Variants in ALG13 observed in about 807,000 individuals in gnomAD.
The protein encoded by ALG13 is ALG13 UDP-N-acetylglucosaminyltransferase subunit, also known as UDP-N-acetylglucosamine transferase subunit ALG13.
ALG13 carries 11 observed loss-of-function variants against 87.8 expected under a neutral mutation model. That is an observed-to-expected ratio of 0.13 (90% CI 0.08 to 0.21). ALG13 has a LOEUF of 0.21. ALG13 is among the 10% of genes least tolerant of loss of function. The probability of loss-of-function intolerance (pLI) is 1.00; values close to 1 mark genes in which losing one functional copy is unlikely to be tolerated. For synonymous variants in ALG13, 320 were observed against 306.3 expected (o/e 1.04, Z -0.47); for missense variants, 756 against 866.1 (o/e 0.87, Z 1.60).
intron 8 of ALG13, 122 bp from the exon 9 acceptor site, chrX:111,717,723 TA>T (rs1471924807): frequency 4.2e-5 from 19 of 455,409 alleles, no homozygotes; most frequent in Non-Finnish European, 5.4e-5. Context: ...AAAATCACTT[TA>T]AAAAAATTCA....
intron 26 of ALG13, among the ~76,000 whole-genome samples, chrX:111,758,776 T>C (rs1212346754): frequency 8.9e-6 from 1 of 111,779 alleles, no homozygotes; most frequent in African/African-American, 3.3e-5. Context: ...TCAAAGAATA[T>C]CTACAATTAT....
intron 15 of ALG13, among the ~76,000 whole-genome samples, chrX:111,725,942 T>TTTTG (rs750313283): frequency 6.3e-5 from 7 of 111,552 alleles, no homozygotes; most frequent in Admixed American, 2.8e-4. Context: ...TTTTTGGGGT[T>TTTTG]TTTGTTTGTT....
At chrX:111,708,436 T>TC (rs747243137) in intron 4 of ALG13, 43 bp downstream of exon 4, 1 of 1,168,442 alleles carries the variant, frequency 8.6e-7, no homozygotes, top group Admixed American at 2.4e-5. Flanking sequence ...TTTTCAGAGT[T>TC]TGAGACATGG....
At chrX:111,758,156 C>T (rs1315638157) in intron 26 of ALG13, among the ~76,000 whole-genome samples, 1 of 111,727 alleles carries the variant, frequency 9.0e-6, no homozygotes, top group Non-Finnish European at 1.9e-5. Flanking sequence ...GACATTTTTA[C>T]TAAATTTTTA....
At position 111,708,281 on chromosome X, in the gene ALG13, G is replaced by A. The variant is rs374748006; in HGVS notation, c.638G>A (p.Ser213Asn). 7.6e-5 allele frequency: 92 copies of A among 1,210,094 alleles called. No homozygotes were observed. The Admixed American group carries it at 1.3e-3, about 17-fold the overall frequency. The change falls in exon 4 of 27, where the codon AGC becomes AAC. Residue 213 changes from serine (S) to asparagine (N), a missense_variant. By Grantham distance (46) the Ser-to-Asn change is conservative. This residue lies in a region of ALG13 where 153 missense variants were observed against 168.7 expected (regional missense o/e 0.91). Coordinates refer to ENST00000394780, the MANE Select transcript of ALG13 (RefSeq NM_001099922.3). The part of the protein sequence containing the change: ...KMHKGWKNYC[S>N]QKSLNEASMD... ...CATAAAGGATGGAAAAACTACTGCA[G>A]CCAGAAGTCTTTGAATGAGGCATCA...
intron 25 of ALG13, among the ~76,000 whole-genome samples, chrX:111,753,361 A>G (rs1944928075): frequency 8.9e-6 from 1 of 111,819 alleles, no homozygotes; most frequent in South Asian, 3.7e-4. Context: ...AATATCTAAA[A>G]TCAACACCCT....
intron 2 of ALG13, among the ~76,000 whole-genome samples, chrX:111,684,330 C>CT (rs34620465): frequency 4.7e-5 from 5 of 106,667 alleles, no homozygotes; most frequent in African/African-American, 6.8e-5. Flanking sequence ...TTTTTTTTTC[C>CT]TTTTTTTTTG....
Position 111,691,376 on chromosome X carries a change from C to T in ALG13, c.383+6273C>T, listed in dbSNP as rs182067702. Among the ~76,000 whole-genome samples, 990 of 111,861 alleles carry T rather than the reference C, an allele frequency of 8.9e-3. 3 individuals are homozygous for T. Among genetic ancestry groups the T allele is most frequent in the Middle Eastern group, 0.018 (4 of 218 alleles). ...TTGGCCTCCAAAAGTGCTGGGATTA[C>T]AGGCGTGAGCCACCACACCCGGCCG... On this transcript the variant is annotated intron_variant, in intron 3 of 26. Coordinates refer to ENST00000394780, the MANE Select transcript of ALG13 (RefSeq NM_001099922.3).
intron 23 of ALG13, among the ~76,000 whole-genome samples, chrX:111,738,565 G>A (rs1943451659): frequency 9.0e-6 from 1 of 111,610 alleles, no homozygotes; most frequent in African/African-American, 3.3e-5. Context: ...TTGAGACGGG[G>A]TATTGCTCTG....
chrX:111,751,888 A>G (rs1324901359), intron 24 of ALG13, among the ~76,000 whole-genome samples: 1 of 111,826 alleles, frequency 8.9e-6, no homozygotes, highest in East Asian at 2.8e-4. Flanking sequence ...TAGAGGTCCA[A>G]TTGGAATGCT....
chrX:111,702,385 T>G (rs961349227), intron 3 of ALG13, among the ~76,000 whole-genome samples: 1 of 111,899 alleles, frequency 8.9e-6, no homozygotes. Context: ...TTATTATGAC[T>G]GCTTAACTAC....
intron 23 of ALG13, among the ~76,000 whole-genome samples, chrX:111,740,504 C>T (rs528915803): frequency 1.6e-4 from 18 of 110,665 alleles, no homozygotes; most frequent in South Asian, 3.9e-4. Flanking sequence ...TCCCTAGCAC[C>T]GAGTTTGTGG....
At chrX:111,689,200 G>A in intron 3 of ALG13, 1 of 746,848 alleles carries the variant, frequency 1.3e-6, no homozygotes. Flanking sequence ...TCTAAAAAGT[G>A]AGTAATCTGG....
In ALG13 at chrX:111,712,491, C is replaced by T; in HGVS notation, c.893C>T (p.Ala298Val). ...LERLGDPKES[A>V]GQLEIRALSL... ...TACACTATTTATGTTTAGGAAAGTG[C>T]TGGCCAGCTGGAAATAAGAGCTCTT... The change falls in exon 7 of 27, where the codon GCT becomes GTT. Residue 298 changes from alanine to valine, a missense_variant. Physicochemically the swap from Ala to Val is moderately conservative, Grantham distance 64. Transcript: ENST00000394780. 1 of 1,173,089 alleles carries T rather than the reference C, an allele frequency of 8.5e-7. No homozygotes were observed. The highest frequency in any genetic ancestry group is 2.3e-5 in the Admixed American group (1 of 42,683).
chrX:111,753,695 A>G (rs1002962776), intron 25 of ALG13, among the ~76,000 whole-genome samples: 1 of 111,986 alleles, frequency 8.9e-6, no homozygotes, highest in Non-Finnish European at 1.9e-5. Context: ...AAATTCCTGG[A>G]CACACACACC....
intron 8 of ALG13, among the ~76,000 whole-genome samples, chrX:111,714,918 A>G (rs1171706346): frequency 2.7e-5 from 3 of 112,276 alleles, no homozygotes; most frequent in African/African-American, 9.7e-5. Context: ...GCAGTTGTAC[A>G]TAGCATTGCT....
At chrX:111,709,710 G>T (rs1378236365) in intron 5 of ALG13, among the ~76,000 whole-genome samples, 5 of 105,928 alleles carry the variant, frequency 4.7e-5, no homozygotes, top group Non-Finnish European at 9.7e-5. Context: ...AAACACTTCT[G>T]GCCCTTGCAG....
At chrX:111,746,173 G>A (rs953337623) in intron 24 of ALG13, among the ~76,000 whole-genome samples, 1 of 111,321 alleles carries the variant, frequency 9.0e-6, no homozygotes, top group Non-Finnish European at 1.9e-5. Flanking sequence ...TTTTCCTTTT[G>A]ATGTGCAGTT....
chrX:111,698,167 T>G (rs1269341856), intron 3 of ALG13, among the ~76,000 whole-genome samples: 4 of 112,077 alleles, frequency 3.6e-5, no homozygotes, highest in African/African-American at 9.7e-5. Context: ...AAACTGGTTT[T>G]GTTTTGTTTT....
Sources: gnomAD v4.1 joint callset for allele counts (sites outside exome capture counted in the v4.1 genomes callset) on GRCh38, gnomAD v4.1.1 for gene constraint, gnomAD v4.1.1 regional missense constraint, MANE v1.5 for transcripts, NCBI Gene and HGNC (gene_info 2026-07-23, HGNC 2026-07-21) for gene names.